RGS7: variants seen among roughly 807,000 people sequenced by gnomAD.
The protein encoded by RGS7 is regulator of G-protein signaling 7.
Under a neutral mutation model 81.1 loss-of-function variants are expected in RGS7, and 27 were observed. The ratio of observed to expected loss-of-function variants is 0.33; its 90% confidence interval spans 0.25 to 0.46. The LOEUF (loss-of-function observed/expected upper bound fraction) is 0.46. Among genes scored for constraint, RGS7 ranks in the 20% least tolerant of loss-of-function variants. The pLI is 1.00. For missense variants in RGS7, 396 were observed against 607.4 expected, an observed-to-expected ratio of 0.65 and a Z score of 3.66; for synonymous variants, 208 against 207.7, an observed-to-expected ratio of 1.00 and a Z score of -0.01.
At chr1:240,914,567 G>C (rs1182682723) in intron 6 of RGS7, among the ~76,000 whole-genome samples, 1 of 152,160 alleles carries the variant, frequency 6.6e-6, no homozygotes, top group Admixed American at 6.5e-5. Flanking sequence ...GGTTGACTCA[G>C]AGCCTATTCC....
chr1:240,869,005 A>C (rs564055041), intron 7 of RGS7, among the ~76,000 whole-genome samples, 153 bp from the exon 8 acceptor site: 33 of 152,282 alleles, frequency 2.2e-4, no homozygotes, highest in African/African-American at 7.7e-4. Context: ...TGCTCCCTGA[A>C]TTCAGCTCAT....
chr1:241,172,223 C>A (rs1349200243), intron 2 of RGS7, among the ~76,000 whole-genome samples: 1 of 145,624 alleles, frequency 6.9e-6, no homozygotes. Flanking sequence ...CCAAGTTATT[C>A]TTTTTTTAAA....
intron 2 of RGS7, among the ~76,000 whole-genome samples, chr1:241,119,294 T>A (rs1349272643): frequency 1.3e-5 from 2 of 152,200 alleles, no homozygotes; most frequent in Non-Finnish European, 2.9e-5. Flanking sequence ...TTTTCACATC[T>A]ATTTCTGCAT....
intron 2 of RGS7, among the ~76,000 whole-genome samples, chr1:241,318,698 A>C (rs941457397): frequency 3.3e-5 from 5 of 151,790 alleles, no homozygotes; most frequent in Non-Finnish European, 7.4e-5. Flanking sequence ...CTGGTCTCGA[A>C]CTCCCGACCT....
chr1:240,887,451 A>G (rs1347483470), intron 6 of RGS7, among the ~76,000 whole-genome samples: 1 of 151,996 alleles, frequency 6.6e-6, no homozygotes, highest in Non-Finnish European at 1.5e-5. Context: ...GATGGTCTCA[A>G]TCTCCTGACT....
intron 2 of RGS7, among the ~76,000 whole-genome samples, chr1:241,222,409 T>A (rs1302468836): frequency 1.3e-5 from 2 of 152,188 alleles, no homozygotes; most frequent in African/African-American, 4.8e-5. Flanking sequence ...TCCAGGTGAT[T>A]CTAATATGTC....
chr1:241,072,661 G>C (rs1006987007), intron 3 of RGS7, among the ~76,000 whole-genome samples: 1 of 152,262 alleles, frequency 6.6e-6, no homozygotes, highest in East Asian at 1.9e-4. Flanking sequence ...CCCTGAAGAA[G>C]TATATGCTGG....
chr1:241,067,387 C>T (rs2062126051), intron 3 of RGS7, among the ~76,000 whole-genome samples: 1 of 151,964 alleles, frequency 6.6e-6, no homozygotes, highest in Non-Finnish European at 1.5e-5. Context: ...AGTAGGCATT[C>T]AATCAATAAT....
intron 2 of RGS7, among the ~76,000 whole-genome samples, chr1:241,221,059 G>GAAAGAA (rs1464041994): frequency 3.2e-4 from 42 of 131,018 alleles, no homozygotes; most frequent in South Asian, 2.5e-3. Flanking sequence ...AAGAAAGAAA[G>GAAAGAA]AGAGAGAGAG....
chr1:241,347,313 A>G (rs1156645729), intron 2 of RGS7, among the ~76,000 whole-genome samples: 1 of 152,152 alleles, frequency 6.6e-6, no homozygotes, highest in Non-Finnish European at 1.5e-5. Context: ...CACTTGCCCA[A>G]GCTTGCATAG....
At chr1:241,267,618 A>T (rs1172529892) in intron 2 of RGS7, among the ~76,000 whole-genome samples, 1 of 152,128 alleles carries the variant, frequency 6.6e-6, no homozygotes, top group African/African-American at 2.4e-5. Flanking sequence ...ACTTCCAGTG[A>T]TCACATGCTA....
chr1:241,221,030 GAA>G (rs2074937203), intron 2 of RGS7, among the ~76,000 whole-genome samples: 1 of 99,174 alleles, frequency 1.0e-5, no homozygotes, highest in African/African-American at 3.5e-5. Flanking sequence ...AGGAAGGAAG[GAA>G]GGAAGGAAAA....
intron 3 of RGS7, among the ~76,000 whole-genome samples, chr1:241,026,392 A>T (rs1299664044): frequency 6.6e-6 from 1 of 152,192 alleles, no homozygotes; most frequent in Non-Finnish European, 1.5e-5. Flanking sequence ...GTTAGAGACC[A>T]GCCTGGTCCA....
intron 18 of RGS7, among the ~76,000 whole-genome samples, chr1:240,789,009 A>T (rs559793024): frequency 6.6e-6 from 1 of 152,154 alleles, no homozygotes; most frequent in African/African-American, 2.4e-5. Context: ...GTGGTGGCGC[A>T]TTGTTGTGGG....
intron 3 of RGS7, among the ~76,000 whole-genome samples, chr1:240,985,128 A>G (rs1047570527): frequency 2.5e-4 from 38 of 152,342 alleles, no homozygotes; most frequent in African/African-American, 9.1e-4. Flanking sequence ...ATCTGGAAGC[A>G]CGATCTTCCC....
chr1:241,192,621 T>A (rs1167317525), intron 2 of RGS7, among the ~76,000 whole-genome samples: 1 of 152,166 alleles, frequency 6.6e-6, no homozygotes, highest in African/African-American at 2.4e-5. Flanking sequence ...CATGAATAAT[T>A]TATCCATGAA....
chr1:240,779,052 G>A (rs938406485), intron 18 of RGS7, among the ~76,000 whole-genome samples: 1 of 151,966 alleles, frequency 6.6e-6, no homozygotes, highest in African/African-American at 2.4e-5. Flanking sequence ...GCTTTGCGAA[G>A]TGACCATGTA....
At chr1:240,790,114 C>T (rs750692580) in intron 18 of RGS7, among the ~76,000 whole-genome samples, 2 of 151,976 alleles carry the variant, frequency 1.3e-5, no homozygotes, top group Non-Finnish European at 2.9e-5. Flanking sequence ...TGCCTGTAAT[C>T]CAAGCTATTT....
At chr1:240,939,776 A>T (rs1677257780) in intron 4 of RGS7, among the ~76,000 whole-genome samples, 1 of 152,114 alleles carries the variant, frequency 6.6e-6, no homozygotes, top group African/African-American at 2.4e-5. Flanking sequence ...GGCTGCAATG[A>T]ACCTGAATAA....
Sources: allele counts gnomAD v4.1 joint callset (sites outside exome capture counted in the v4.1 genomes callset), GRCh38; gene constraint gnomAD v4.1.1; transcripts MANE v1.5; gene names NCBI Gene and HGNC (gene_info 2026-07-23, HGNC 2026-07-21).